Variants in PRKCB observed in about 807,000 individuals in gnomAD.
PRKCB encodes the protein protein kinase C beta, also known as protein kinase C beta type.
Under a neutral mutation model 81.5 loss-of-function variants are expected in PRKCB, and 13 were observed. The ratio of observed to expected loss-of-function variants is 0.16; its 90% CI spans 0.10 to 0.25. PRKCB has a LOEUF of 0.25. Among genes scored for constraint, PRKCB ranks in the 10% least tolerant of loss-of-function variants. The pLI is 1.00. For missense variants in PRKCB, 509 were observed against 875.7 expected (o/e 0.58, Z 5.29); for synonymous variants, 335 against 321.4 (o/e 1.04, Z -0.45).
At chr16:24,034,769 C>T (rs1965592504) in intron 4 of PRKCB, among the ~76,000 whole-genome samples, 1 of 152,114 alleles carries the variant, frequency 6.6e-6, no homozygotes. Context: ...GATTGTGGTG[C>T]CCAGCCCTCT....
intron 3 of PRKCB, among the ~76,000 whole-genome samples, chr16:23,996,765 C>G (rs1964962531): frequency 6.6e-6 from 1 of 152,238 alleles, no homozygotes; most frequent in Non-Finnish European, 1.5e-5. Flanking sequence ...TTACCATGTT[C>G]CCCATCATTC....
chr16:24,162,421 G>C (rs1967271791), intron 10 of PRKCB, among the ~76,000 whole-genome samples: 1 of 144,830 alleles, frequency 6.9e-6, no homozygotes, highest in Non-Finnish European at 1.5e-5. Context: ...GGCTCCAATA[G>C]CTCCAAAAAA....
intron 16 of PRKCB, among the ~76,000 whole-genome samples, chr16:24,211,298 C>A (rs1968134278): frequency 6.6e-6 from 1 of 152,200 alleles, no homozygotes; most frequent in Non-Finnish European, 1.5e-5. Context: ...TTATAGGAAA[C>A]ATACGCTGTC....
At chr16:23,978,208 C>A (rs527596677) in intron 2 of PRKCB, among the ~76,000 whole-genome samples, 1 of 152,186 alleles carries the variant, frequency 6.6e-6, no homozygotes, top group Non-Finnish European at 1.5e-5. Flanking sequence ...CGACTCTGGA[C>A]CAGTGAACCC....
At chr16:24,192,604 C>T (rs191887318) in intron 16 of PRKCB, among the ~76,000 whole-genome samples, 106 of 152,304 alleles carry the variant, frequency 7.0e-4, no homozygotes, top group African/African-American at 2.4e-3. Flanking sequence ...GCCAGATGCA[C>T]ACGCTCCCAT....
rs1313992031 is a variant in PRKCB at position 24,219,959 on chromosome 16, A to C, written c.*5143A>C. ...TTAATGTGTTTACTTTCCATTTGGC[A>C]GAGAGACAAGAGAGACACCTCCAAC... On this transcript the variant is annotated 3_prime_UTR_variant, in exon 17 of 17. Coordinates refer to ENST00000643927, the MANE Select transcript of PRKCB (RefSeq NM_002738.7). 6.2e-7 allele frequency: 1 copy of C among 1,613,918 alleles called. No individual in the cohort carries two copies. Among genetic ancestry groups the C allele is most frequent in the Non-Finnish European group, 8.5e-7 (1 of 1,179,934 alleles).
intron 2 of PRKCB, among the ~76,000 whole-genome samples, chr16:23,938,229 G>T (rs1567319937): frequency 6.6e-6 from 1 of 152,182 alleles, no homozygotes; most frequent in Non-Finnish European, 1.5e-5. Context: ...CGTTTACAGA[G>T]TTTTGAAGGG....
At chr16:24,053,411 T>C (rs1965865586) in intron 5 of PRKCB, among the ~76,000 whole-genome samples, 1 of 152,240 alleles carries the variant, frequency 6.6e-6, no homozygotes, top group African/African-American at 2.4e-5. Context: ...TGCCAATGAA[T>C]GGGCACGGGT....
At chr16:24,081,237 T>C (rs567645025) in intron 5 of PRKCB, among the ~76,000 whole-genome samples, 53 of 151,952 alleles carry the variant, frequency 3.5e-4, no homozygotes, top group Middle Eastern at 3.4e-3. Flanking sequence ...ATGAGTTTTA[T>C]CCTGAGAATG....
chr16:24,149,604 C>T (rs1334605832), intron 9 of PRKCB, among the ~76,000 whole-genome samples: 2 of 152,184 alleles, frequency 1.3e-5, no homozygotes, highest in African/African-American at 2.4e-5. Flanking sequence ...AAAATGCAGA[C>T]TCCCAGGTCA....
chr16:23,888,323 C>T (rs148341911), intron 2 of PRKCB, among the ~76,000 whole-genome samples: 4 of 152,282 alleles, frequency 2.6e-5, no homozygotes, highest in African/African-American at 7.2e-5. Flanking sequence ...AAGGAAGCTC[C>T]GTGAAAGCTC....
chr16:23,933,421 C>A (rs976586895), intron 2 of PRKCB, among the ~76,000 whole-genome samples: 1 of 152,126 alleles, frequency 6.6e-6, no homozygotes, highest in African/African-American at 2.4e-5. Context: ...ATATGGTTGG[C>A]TCTTCTGTTA....
At chr16:24,200,426 C>T (rs1967940300) in intron 16 of PRKCB, among the ~76,000 whole-genome samples, 1 of 152,174 alleles carries the variant, frequency 6.6e-6, no homozygotes, top group African/African-American at 2.4e-5. Flanking sequence ...AAACCAGGCT[C>T]CCTTTAGATG....
chr16:24,180,715 C>A, intron 12 of PRKCB, 75 bp from the exon 13 acceptor site: 1 of 1,533,718 alleles, frequency 6.5e-7, no homozygotes, highest in Non-Finnish European at 8.9e-7. Flanking sequence ...GTGTTTTATG[C>A]ATAATGAGTG....
intron 12 of PRKCB, chr16:24,174,863 C>T (rs1321260269): frequency 1.2e-5 from 4 of 334,984 alleles, no homozygotes; most frequent in East Asian, 4.7e-5. Context: ...CAGAGAGGAC[C>T]TCAGTACTTC....
rs542926583 is a variant in PRKCB, at chr16:24,144,343, G to T, written c.1066-10341G>T. ...GAGTCTCACTCTGTCACCCAGGCTG[G>T]AGTGCAGTGGCATGATGATCTCTCG... is the stretch of plus-strand genomic sequence containing the variant. On this transcript the variant is annotated intron_variant, in intron 9 of 16. Transcript: ENST00000643927. Among the ~76,000 whole-genome samples the T allele has an allele frequency of 2.0e-5, 3 of 152,112 alleles. No homozygotes were observed. In the South Asian group the frequency reaches 6.2e-4, roughly 31 times the overall value.
At chr16:23,989,884 T>C (rs1335108305) in intron 3 of PRKCB, among the ~76,000 whole-genome samples, 1 of 152,150 alleles carries the variant, frequency 6.6e-6, no homozygotes, top group African/African-American at 2.4e-5. Context: ...CCAATCCTGC[T>C]AATGGGAACT....
At chr16:23,997,159 A>G (rs1488025172) in intron 3 of PRKCB, among the ~76,000 whole-genome samples, 1 of 152,192 alleles carries the variant, frequency 6.6e-6, no homozygotes, top group Non-Finnish European at 1.5e-5. Flanking sequence ...TGGGGTTCCC[A>G]TGCCTCTGAG....
intron 1 of PRKCB, 78 bp downstream of exon 1, chr16:23,836,426 T>TGCGCCCTCC (rs71154240): frequency 2.0e-6 from 3 of 1,513,588 alleles, no homozygotes; most frequent in Admixed American, 2.1e-5. Flanking sequence ...CCGCGCCCTC[T>TGCGCCCTCC]GCGCCCTCCG....
Sources: gnomAD v4.1 joint callset for allele counts (sites outside exome capture counted in the v4.1 genomes callset) on GRCh38, gnomAD v4.1.1 for gene constraint, MANE v1.5 for transcripts, NCBI Gene and HGNC (gene_info 2026-07-23, HGNC 2026-07-21) for gene names.